FAM3B: variants seen among roughly 807,000 people sequenced by gnomAD.
FAM3B encodes FAM3 metabolism regulating signaling molecule B.
A neutral mutation model predicts 28.4 loss-of-function variants in FAM3B; 29 were observed. The observed-to-expected ratio is 1.02, with a 90% CI of 0.76 to 1.39. The LOEUF is 1.39. Ranked by LOEUF, FAM3B falls within the 40% of genes most tolerant of loss-of-function variation. FAM3B has a pLI of 0.00. For synonymous variants in FAM3B, 91 were observed against 103.0 expected (o/e 0.88, Z 0.71); for missense variants, 266 against 293.9 (o/e 0.91, Z 0.69).
exon 1 of FAM3B, chr21:41,304,306 A>T: frequency 2.2e-6 from 1 of 455,996 alleles, no homozygotes; most frequent in South Asian, 1.5e-5. Context: ...GGAGCCCGAG[A>T]CTGGGTGAGA....
At chr21:41,316,726 A>C, upstream of FAM3B, 1 of 583,480 alleles carries the variant, frequency 1.7e-6, no homozygotes, top group Non-Finnish European at 2.6e-6. Flanking sequence ...CCGGGTCCGC[A>C]CCTGCCATTT....
At chr21:41,347,409 G>A (rs1447687939) in intron 6 of FAM3B, among the ~76,000 whole-genome samples, 1 of 152,116 alleles carries the variant, frequency 6.6e-6, no homozygotes, top group Non-Finnish European at 1.5e-5. Context: ...AACCCAGGGT[G>A]GCATTAATAG....
intron 1 of FAM3B, among the ~76,000 whole-genome samples, chr21:41,305,616 T>C (rs2088679149): frequency 6.6e-6 from 1 of 152,178 alleles, no homozygotes; most frequent in Admixed American, 6.5e-5. Flanking sequence ...AACATTCTGG[T>C]TTCCCAATGC....
At chr21:41,320,913 G>T in intron 1 of FAM3B, 1 of 152,288 alleles carries the variant, frequency 6.6e-6, no homozygotes, top group Non-Finnish European at 1.5e-5. Context: ...CCACATGTTT[G>T]TTTTTGTTCA....
chr21:41,336,399 A>G (rs983257846), intron 2 of FAM3B, among the ~76,000 whole-genome samples: 3 of 152,164 alleles, frequency 2.0e-5, no homozygotes, highest in Admixed American at 1.3e-4. Flanking sequence ...GTGCATGCCT[A>G]TAGTCCCAGC....
Position 41,345,763 on chromosome 21 carries a change from C to A in FAM3B, c.397+27C>A. The A allele has an allele frequency of 2.9e-6, 4 of 1,362,598 alleles. No homozygotes were observed. The South Asian group carries it at 4.9e-5, about 17-fold the overall frequency. 84.4% of individuals were successfully genotyped at this position (1,362,598 alleles called of 1,614,324 possible). ...TAAGAAAATTTTTTCTGTTAAAATT[C>A]AAATGAATTTTAAACAGAAAATTAA... On this transcript the variant is annotated intron_variant, in intron 5 of 7. Transcript: ENST00000357985.
At chr21:41,342,727 T>G (rs1250670269) in intron 3 of FAM3B, among the ~76,000 whole-genome samples, 1 of 152,216 alleles carries the variant, frequency 6.6e-6, no homozygotes, top group Non-Finnish European at 1.5e-5. Context: ...AATTTTTAAT[T>G]TTATCAACCA....
At chr21:41,337,809 TGTG>T (rs2088968716) in intron 2 of FAM3B, among the ~76,000 whole-genome samples, 2 of 151,106 alleles carry the variant, frequency 1.3e-5, no homozygotes, top group Admixed American at 6.6e-5. Flanking sequence ...CTGTATATGG[TGTG>T]TGTGTGTGTG....
intron 1 of FAM3B, among the ~76,000 whole-genome samples, chr21:41,310,239 C>T (rs2088701957): frequency 6.6e-6 from 1 of 152,104 alleles, no homozygotes; most frequent in Admixed American, 6.5e-5. Flanking sequence ...AGCCTCACCC[C>T]ACCCCGGCCC....
intron 5 of FAM3B, among the ~76,000 whole-genome samples, chr21:41,346,741 C>A (rs2089064247): frequency 6.6e-6 from 1 of 152,108 alleles, no homozygotes; most frequent in Non-Finnish European, 1.5e-5. Context: ...CTTATCTTGA[C>A]CCCCTTTCAC....
chr21:41,337,275 T>C (rs1225944420), intron 2 of FAM3B, among the ~76,000 whole-genome samples: 2 of 152,190 alleles, frequency 1.3e-5, no homozygotes, highest in African/African-American at 4.8e-5. Flanking sequence ...ACTTAGGATT[T>C]AAATCTGAAG....
chr21:41,334,104 T>C (rs1424518955), intron 2 of FAM3B, among the ~76,000 whole-genome samples: 1 of 152,168 alleles, frequency 6.6e-6, no homozygotes, highest in Non-Finnish European at 1.5e-5. Flanking sequence ...CCTGCGCTTA[T>C]AAGTGTGAGC....
At chr21:41,332,724 G>T (rs995325647) in intron 2 of FAM3B, among the ~76,000 whole-genome samples, 3 of 151,962 alleles carry the variant, frequency 2.0e-5, no homozygotes, top group Non-Finnish European at 2.9e-5. Context: ...CCTTTTTTCG[G>T]TGTATAATTG....
exon 1 of FAM3B, chr21:41,304,299 G>C (rs1228345144): frequency 2.0e-5 from 9 of 456,092 alleles, no homozygotes; most frequent in African/African-American, 1.6e-4. Context: ...GAAGGCAGGA[G>C]CCCGAGACTG....
intron 7 of FAM3B, among the ~76,000 whole-genome samples, chr21:41,354,621 C>A (rs2089149015): frequency 6.6e-6 from 1 of 151,970 alleles, no homozygotes; most frequent in Non-Finnish European, 1.5e-5. Context: ...TAAGTAGGAG[C>A]TAAATGATGA....
chr21:41,312,244 T>A (rs1195300517), upstream of FAM3B, among the ~76,000 whole-genome samples: 1 of 152,230 alleles, frequency 6.6e-6, no homozygotes, highest in East Asian at 1.9e-4. Flanking sequence ...AATTGCTCTA[T>A]CTGGCACTTT....
chr21:41,349,738 G>A (rs1444382166), intron 7 of FAM3B, among the ~76,000 whole-genome samples: 2 of 152,184 alleles, frequency 1.3e-5, no homozygotes, highest in Non-Finnish European at 2.9e-5. Context: ...CAGACAACTT[G>A]GAACTGGTTC....
intron 1 of FAM3B, among the ~76,000 whole-genome samples, chr21:41,306,091 C>A (rs1020748333): frequency 1.3e-5 from 2 of 152,138 alleles, no homozygotes; most frequent in Non-Finnish European, 2.9e-5. Context: ...CTCAAGAAAC[C>A]ACCCATTTCA....
intron 1 of FAM3B, chr21:41,321,077 G>C (rs1601350424): frequency 6.6e-6 from 1 of 152,190 alleles, no homozygotes; most frequent in Non-Finnish European, 1.5e-5. Flanking sequence ...CCTGAACATT[G>C]TCTGGTTAGC....
Sources: gnomAD v4.1 joint callset for allele counts (sites outside exome capture counted in the v4.1 genomes callset) on GRCh38, gnomAD v4.1.1 for gene constraint, MANE v1.5 for transcripts, NCBI Gene and HGNC (gene_info 2026-07-23, HGNC 2026-07-21) for gene names.